The following PDE4D variants were observed in gnomAD, a reference collection of about 807,000 sequenced individuals.
PDE4D encodes the protein phosphodiesterase 4D, also known as 3',5'-cyclic-AMP phosphodiesterase 4D.
A neutral mutation model predicts 87.4 loss-of-function variants in PDE4D; 24 were observed. The observed-to-expected ratio is 0.27, with a 90% CI of 0.20 to 0.39. The LOEUF is 0.39. Among genes scored for constraint, PDE4D ranks in the 10% least tolerant of loss-of-function variants. The pLI, the probability that PDE4D is intolerant of heterozygous loss-of-function variation, is 1.00. For missense variants in PDE4D, 714 were observed against 1,041.0 expected, an observed-to-expected ratio of 0.69 and a Z score of 4.32; for synonymous variants, 384 against 383.2, an observed-to-expected ratio of 1.00 and a Z score of -0.02.
intron 1 of PDE4D, among the ~76,000 whole-genome samples, chr5:59,593,788 A>G (rs1826250860): frequency 6.6e-6 from 1 of 152,186 alleles, no homozygotes. Context: ...CTGAAAGTTG[A>G]AAAACTCCAG....
rs139756161 is a variant in PDE4D, at chr5:59,484,324, C to T, written c.456-268356G>A. On this transcript the variant is annotated intron_variant, in intron 1 of 14. Transcript: ENST00000340635. ...TGAATAATGCTTATGTTTTTATGCT[C>T]AACTTGTAATGGACTATAATTGTCT... Among the ~76,000 whole-genome samples the T allele has an allele frequency of 1.7e-3, 256 of 152,286 alleles. 1 individual carries two copies. Among genetic ancestry groups the T allele is most frequent in the African/African-American group, 6.0e-3 (251 of 41,560 alleles).
chr5:59,032,703 C>A (rs1272448798), intron 6 of PDE4D, among the ~76,000 whole-genome samples: 1 of 152,144 alleles, frequency 6.6e-6, no homozygotes, highest in Non-Finnish European at 1.5e-5. Context: ...CAGAGTTTTT[C>A]TTAATCTCTC....
intron 6 of PDE4D, among the ~76,000 whole-genome samples, chr5:59,024,472 C>T (rs991147236): frequency 1.3e-5 from 2 of 152,184 alleles, no homozygotes; most frequent in Non-Finnish European, 2.9e-5. Context: ...GCTGGGATTA[C>T]AGGCTTGAGG....
intron 1 of PDE4D, among the ~76,000 whole-genome samples, chr5:60,239,831 C>G (rs1292795421): frequency 2.0e-5 from 3 of 151,942 alleles, no homozygotes; most frequent in African/African-American, 7.2e-5. Flanking sequence ...TTTTCCTGAA[C>G]TTTTGTATTA....
intron 3 of PDE4D, among the ~76,000 whole-genome samples, chr5:59,961,480 T>C (rs563523402): frequency 1.1e-3 from 171 of 152,128 alleles, no homozygotes; most frequent in Non-Finnish European, 2.1e-3. Flanking sequence ...TTGAACTGTA[T>C]TCTGAGATGC....
At chr5:59,576,124 T>C (rs1420328986) in intron 1 of PDE4D, among the ~76,000 whole-genome samples, 2 of 152,132 alleles carry the variant, frequency 1.3e-5, no homozygotes, top group Non-Finnish European at 2.9e-5. Context: ...ACAATATTTA[T>C]TGGATACTTA....
intron 1 of PDE4D, among the ~76,000 whole-genome samples, chr5:59,697,520 T>A (rs1362042806): frequency 2.0e-5 from 3 of 152,184 alleles, no homozygotes; most frequent in Non-Finnish European, 4.4e-5. Context: ...CTGCACTACA[T>A]ACACCAACAC....
At chr5:59,623,602 G>A (rs1830572801) in intron 1 of PDE4D, among the ~76,000 whole-genome samples, 1 of 152,054 alleles carries the variant, frequency 6.6e-6, no homozygotes, top group African/African-American at 2.4e-5. Flanking sequence ...CCCTGATCTT[G>A]GTATGTGCCC....
intron 2 of PDE4D, among the ~76,000 whole-genome samples, chr5:60,130,947 T>G (rs545278828): frequency 1.5e-3 from 228 of 152,318 alleles, no homozygotes; most frequent in Non-Finnish European, 2.8e-3. Context: ...GGTTTTCATT[T>G]TTATGACTAT....
At chr5:59,316,181 A>G (rs537143560) in intron 1 of PDE4D, among the ~76,000 whole-genome samples, 1 of 152,302 alleles carries the variant, frequency 6.6e-6, no homozygotes, top group South Asian at 2.1e-4. Context: ...ACATGAAGAT[A>G]ACAAGCTATG....
At chr5:59,486,752 T>C (rs1180669093) in intron 1 of PDE4D, among the ~76,000 whole-genome samples, 1 of 152,164 alleles carries the variant, frequency 6.6e-6, no homozygotes, top group Non-Finnish European at 1.5e-5. Flanking sequence ...TTTCTGAGCA[T>C]ACAAAGTACA....
chr5:59,731,819 C>CA (rs1413906741), intron 1 of PDE4D, among the ~76,000 whole-genome samples: 1 of 152,030 alleles, frequency 6.6e-6, no homozygotes, highest in Non-Finnish European at 1.5e-5. Context: ...TTAGAAAATG[C>CA]AAAAAAGCAG....
At chr5:59,629,073 T>C (rs1034523061) in intron 1 of PDE4D, among the ~76,000 whole-genome samples, 3 of 152,166 alleles carry the variant, frequency 2.0e-5, no homozygotes, top group Admixed American at 2.0e-4. Context: ...ACTGCCACCA[T>C]GATTCAATTA....
intron 5 of PDE4D, among the ~76,000 whole-genome samples, chr5:59,131,597 AACACACACACACAC>A (rs34161581): frequency 0.086 from 10,197 of 118,096 alleles, 439 homozygotes; most frequent in Middle Eastern, 0.13. Flanking sequence ...GCCAATTTAA[AACACACACACACAC>A]ACACACACAC....
intron 3 of PDE4D, among the ~76,000 whole-genome samples, chr5:59,940,877 TCTC>T (rs1757102282): frequency 6.6e-6 from 1 of 152,040 alleles, no homozygotes; most frequent in Non-Finnish European, 1.5e-5. Flanking sequence ...CTGCATTCAT[TCTC>T]CTCTCCATCT....
chr5:60,150,019 T>TGTATATATACATACATACATATA (rs1562154141), intron 2 of PDE4D, among the ~76,000 whole-genome samples: 1 of 147,328 alleles, frequency 6.8e-6, no homozygotes, highest in African/African-American at 2.5e-5. Flanking sequence ...TATATATTAG[T>TGTATATATACATACATACATATA]GTATATATAC....
chr5:60,418,784 T>A (rs187716744), intron 1 of PDE4D, among the ~76,000 whole-genome samples: 2 of 152,274 alleles, frequency 1.3e-5, no homozygotes, highest in Admixed American at 1.3e-4. Flanking sequence ...AGTTACTAAC[T>A]CTAGTCACCC....
In PDE4D at chr5:60,258,165, G is replaced by C. The variant is rs13181627; in HGVS notation, c.-89-72478C>G. The stretch of plus-strand genomic sequence containing the variant: ...GTCCACAGAACAAGCTACTCCAGCT[G>C]CCTGCCGATGGTGATTTTACCCTGT... On this transcript the variant is annotated intron_variant, in intron 1 of 16. Transcript: ENST00000502484. Among the ~76,000 whole-genome samples the C allele has an allele frequency of 3.9e-5, 6 of 152,074 alleles. No individual in the cohort carries two copies. In the East Asian group the frequency reaches 1.2e-3, roughly 29 times the overall value.
chr5:60,037,845 C>A (rs1169701498), intron 2 of PDE4D, among the ~76,000 whole-genome samples: 1 of 152,052 alleles, frequency 6.6e-6, no homozygotes, highest in African/African-American at 2.4e-5. Flanking sequence ...CTAAGCAACC[C>A]TAAAATATTT....
Sources: allele counts gnomAD v4.1 joint callset (sites outside exome capture counted in the v4.1 genomes callset), GRCh38; gene constraint gnomAD v4.1.1; transcripts MANE v1.5; gene names NCBI Gene and HGNC (gene_info 2026-07-23, HGNC 2026-07-21).